DOCK5: variants seen among roughly 807,000 people sequenced by gnomAD.
DOCK5 encodes dedicator of cytokinesis protein 5.
Under a neutral mutation model 251.8 loss-of-function variants are expected in DOCK5, and 142 were observed. That is an observed-to-expected ratio of 0.56 (90% CI 0.49 to 0.65). The LOEUF is 0.65. DOCK5 is among the 30% of genes least tolerant of loss of function. The pLI is 0.00. For synonymous variants in DOCK5, 842 were observed against 835.5 expected (o/e 1.01, Z -0.13); for missense variants, 2,111 against 2,312.3 (o/e 0.91, Z 1.79).
intron 11 of DOCK5, among the ~76,000 whole-genome samples, chr8:25,307,856 G>A (rs999742343): frequency 6.6e-6 from 1 of 152,192 alleles, no homozygotes; most frequent in African/African-American, 2.4e-5. Context: ...AAGATTTATG[G>A]CAAGCGCTAC....
rs1805746643 is a variant in DOCK5, at chr8:25,334,213, G to A, written c.2192+17G>A. ...GGCATATGTGTAAGTATGATCTGAA[G>A]GAACTACATGTTGTTGGATCTTTGG... On this transcript the variant is annotated intron_variant, in intron 21 of 51. Transcript: ENST00000276440. 8 of 1,583,294 alleles carry A rather than the reference G, an allele frequency of 5.1e-6. No individual in the cohort carries two copies. Among genetic ancestry groups the A allele is most frequent in the Non-Finnish European group, 6.9e-6 (8 of 1,152,060 alleles).
intron 22 of DOCK5, among the ~76,000 whole-genome samples, chr8:25,337,711 G>A (rs775669912): frequency 2.7e-5 from 4 of 150,708 alleles, no homozygotes; most frequent in Non-Finnish European, 5.9e-5. Flanking sequence ...TCAGCCTCCC[G>A]AGTAGCTGGG....
At chr8:25,317,790 T>G (rs901498411) in intron 14 of DOCK5, among the ~76,000 whole-genome samples, 1 of 152,180 alleles carries the variant, frequency 6.6e-6, no homozygotes, top group African/African-American at 2.4e-5. Context: ...TTTTTGTATT[T>G]TTATTAGAGA....
At chr8:25,255,472 T>TAAGGAAA (rs1049934430) in intron 2 of DOCK5, among the ~76,000 whole-genome samples, 2 of 152,082 alleles carry the variant, frequency 1.3e-5, no homozygotes, top group African/African-American at 4.8e-5. Flanking sequence ...ACATTCTGGA[T>TAAGGAAA]AAGGAAAAAC....
At chr8:25,379,137 T>C (rs1400874848) in intron 38 of DOCK5, among the ~76,000 whole-genome samples, 1 of 152,186 alleles carries the variant, frequency 6.6e-6, no homozygotes, top group Non-Finnish European at 1.5e-5. Context: ...GCACGTATAG[T>C]CTTGATAAAC....
intron 1 of DOCK5, among the ~76,000 whole-genome samples, chr8:25,235,301 C>T (rs11135857): frequency 0.18 from 26,721 of 152,136 alleles, 2,458 homozygotes; most frequent in Admixed American, 0.26. Context: ...ACAATCTCAG[C>T]TCACTGTAGC....
chr8:25,314,151 C>T (rs372025477), intron 13 of DOCK5, among the ~76,000 whole-genome samples: 2 of 134,600 alleles, frequency 1.5e-5, no homozygotes, highest in African/African-American at 2.8e-5. Flanking sequence ...TGCTCTGTAG[C>T]GCAGGCTGGA....
At chr8:25,331,177 TAC>T (rs1805673099) in intron 18 of DOCK5, among the ~76,000 whole-genome samples, 1 of 151,760 alleles carries the variant, frequency 6.6e-6, no homozygotes, top group Non-Finnish European at 1.5e-5. Flanking sequence ...TAGCTTGATG[TAC>T]TAAACTAGGT....
chr8:25,410,260 A>G, intron 51 of DOCK5, 58 bp downstream of exon 51: 6 of 1,489,412 alleles, frequency 4.0e-6, no homozygotes, highest in South Asian at 1.2e-5. Flanking sequence ...GGAAGGCAGC[A>G]TCAGGTTTTC....
chr8:25,373,600 C>G lies in DOCK5; in HGVS notation c.3685-18C>G. On this transcript the variant is annotated intron_variant, in intron 35 of 51. Coordinates refer to ENST00000276440, the MANE Select transcript of DOCK5 (RefSeq NM_024940.8). ...TTGATTTATGTTGGGATTCTGTGAT[C>G]CTTTTTTTTCCTGGCAGAACTTTTA... is the stretch of plus-strand genomic sequence containing the variant. The G allele has an allele frequency of 6.5e-7, 1 of 1,549,374 alleles. No individual in the cohort carries two copies. The highest frequency in any genetic ancestry group is 8.7e-7 in the Non-Finnish European group (1 of 1,147,310).
intron 17 of DOCK5, 42 bp from the exon 18 acceptor site, chr8:25,325,322 A>G: frequency 6.3e-7 from 1 of 1,593,484 alleles, no homozygotes; most frequent in Non-Finnish European, 8.5e-7. Flanking sequence ...CATATAAGAG[A>G]TTTTGGCCAT....
intron 26 of DOCK5, among the ~76,000 whole-genome samples, chr8:25,346,095 C>A (rs900158079): frequency 1.5e-4 from 23 of 152,128 alleles, no homozygotes; most frequent in Admixed American, 3.3e-4. Flanking sequence ...CGTGATCCAC[C>A]CATCTCGGCC....
intron 49 of DOCK5, among the ~76,000 whole-genome samples, 198 bp from the exon 50 acceptor site, chr8:25,408,604 A>C (rs1481081326): frequency 6.6e-6 from 1 of 152,228 alleles, no homozygotes; most frequent in Non-Finnish European, 1.5e-5. Flanking sequence ...GTCTGTGGCC[A>C]TTCAGAAAAT....
intron 18 of DOCK5, among the ~76,000 whole-genome samples, chr8:25,325,792 T>G (rs2256166): frequency 9.1e-4 from 138 of 152,264 alleles, no homozygotes; most frequent in African/African-American, 3.2e-3. Flanking sequence ...ATTTAATATC[T>G]TAAAACCTAT....
Position 25,282,382 on chromosome 8 carries a change from C to T in DOCK5, c.321+3717C>T, listed in dbSNP as rs373465922. Among the ~76,000 whole-genome samples the T allele has an allele frequency of 2.5e-3, 378 of 152,236 alleles. 1 individual carries two copies. The highest frequency in any genetic ancestry group is 8.8e-3 in the African/African-American group (364 of 41,512). ...AGTAAAAACCCAAATCTCTGGTTTT[C>T]GTGTCCCATCTCCTTTCACCTGCTG... On this transcript the variant is annotated intron_variant, in intron 5 of 51. Transcript: ENST00000276440.
intron 26 of DOCK5, among the ~76,000 whole-genome samples, chr8:25,349,847 T>C (rs1800435037): frequency 6.6e-6 from 1 of 152,018 alleles, no homozygotes; most frequent in Non-Finnish European, 1.5e-5. Flanking sequence ...TAAACAAAAA[T>C]CTCAGAATCA....
chr8:25,290,162 C>A (rs1285571819), intron 5 of DOCK5, among the ~76,000 whole-genome samples: 3 of 152,170 alleles, frequency 2.0e-5, no homozygotes, highest in African/African-American at 7.2e-5. Flanking sequence ...ATTACCAGCA[C>A]ATAGTGGATG....
chr8:25,306,794 A>G (rs528348391), intron 11 of DOCK5, among the ~76,000 whole-genome samples: 1 of 152,354 alleles, frequency 6.6e-6, no homozygotes, highest in Non-Finnish European at 1.5e-5. Flanking sequence ...TAAATAAAAT[A>G]CAATCATGCA....
At chr8:25,404,944 TTTTG>T (rs1801498177) in intron 48 of DOCK5, among the ~76,000 whole-genome samples, 1 of 152,152 alleles carries the variant, frequency 6.6e-6, no homozygotes, top group Non-Finnish European at 1.5e-5. Context: ...CTTGTATACT[TTTTG>T]TTTGTTTTTT....
Sources: allele counts gnomAD v4.1 joint callset (sites outside exome capture counted in the v4.1 genomes callset), GRCh38; gene constraint gnomAD v4.1.1; transcripts MANE v1.5; gene names NCBI Gene and HGNC (gene_info 2026-07-23, HGNC 2026-07-21).